FNTB: variants seen among roughly 807,000 people sequenced by gnomAD.
FNTB encodes farnesyltransferase, CAAX box, subunit beta, also known as protein farnesyltransferase subunit beta.
Under a neutral mutation model 59.4 loss-of-function variants are expected in FNTB, and 27 were observed. The observed-to-expected ratio is 0.45, with a 90% CI of 0.34 to 0.63. FNTB has a LOEUF of 0.63. Ranked by LOEUF, FNTB falls within the 20% of genes least tolerant of loss-of-function variation. The probability of loss-of-function intolerance (pLI) is 0.02; values close to 1 mark genes in which losing one functional copy is unlikely to be tolerated. For missense variants in FNTB, 449 were observed against 559.6 expected (o/e 0.80, Z 1.99); for synonymous variants, 230 against 220.7 (o/e 1.04, Z -0.37).
chr14:65,037,165 G>A (rs2062211507), intron 7 of FNTB, among the ~76,000 whole-genome samples: 2 of 150,552 alleles, frequency 1.3e-5, no homozygotes, highest in Non-Finnish European at 3.0e-5. Flanking sequence ...GTGCAATGGC[G>A]TGATCTCGGC....
chr14:65,061,099 G>A, intron 11 of FNTB, 82 bp from the exon 12 acceptor site: 1 of 1,561,022 alleles, frequency 6.4e-7, no homozygotes, highest in Non-Finnish European at 8.7e-7. Context: ...ATTCTTAGAA[G>A]TGCCTTTCAT....
Position 65,046,548 on chromosome 14 carries a change from G to A in FNTB, c.955+2105G>A, listed in dbSNP as rs147634511. Among the ~76,000 whole-genome samples, 993 of 152,268 alleles carry A rather than the reference G, an allele frequency of 6.5e-3. 47 individuals carry two copies. The highest frequency in any genetic ancestry group is 0.061 in the Admixed American group (928 of 15,280). ...CATTCAAAGCTTTGTCTATGGAAAA[G>A]GGTGCCTATGAATCTTGGTGCTTCC... On this transcript the variant is annotated intron_variant, in intron 9 of 11. Coordinates refer to ENST00000246166, the MANE Select transcript of FNTB (RefSeq NM_002028.4).
At chr14:65,059,272 A>C (rs2062809406) in intron 11 of FNTB, among the ~76,000 whole-genome samples, 1 of 151,604 alleles carries the variant, frequency 6.6e-6, no homozygotes, top group African/African-American at 2.4e-5. Flanking sequence ...ATCCTACCTC[A>C]GCCACCCAAA....
chr14:65,005,712 C>T (rs1413136106), intron 2 of FNTB, among the ~76,000 whole-genome samples: 3 of 152,008 alleles, frequency 2.0e-5, no homozygotes, highest in Non-Finnish European at 4.4e-5. Flanking sequence ...TGATCATAGC[C>T]CACAGCAGCC....
intron 4 of FNTB, among the ~76,000 whole-genome samples, chr14:65,018,155 G>A (rs983340910): frequency 6.6e-6 from 1 of 151,604 alleles, no homozygotes; most frequent in Non-Finnish European, 1.5e-5. Flanking sequence ...CAGTCTGGGC[G>A]ACATAGTGAG....
rs144250681 is a variant in FNTB at position 65,054,580 on chromosome 14, G to C, written c.1073G>C (p.Arg358Pro). 2 of 1,612,846 alleles carry C rather than the reference G, an allele frequency of 1.2e-6. No individual in the cohort carries two copies. ...GGLLDKPGKS[R>P]DFYHTCYCLS... Reference sequence around the variant, plus strand: ...AGAGCTGCCTGTCCTTACAGGTCGCGTGATTTCTACCACACCTGCTACTGC... The same window carrying C: ...AGAGCTGCCTGTCCTTACAGGTCGCCTGATTTCTACCACACCTGCTACTGC... Residue 358 changes from arginine to proline, a missense_variant, in exon 11 of 12, where the codon CGT (arginine) becomes CCT (proline). By Grantham distance (103) the Arg-to-Pro change is moderately radical. Coordinates refer to ENST00000246166, the MANE Select transcript of FNTB (RefSeq NM_002028.4). This position sits in a 1 kb window ranked among gnomAD's most constrained non-coding sequence, Gnocchi z 4.4.
chr14:65,011,824 T>C lies in FNTB; in HGVS notation c.210-493T>C, dbSNP rs555889502. Among the ~76,000 whole-genome samples, 1 of 152,280 alleles carries C rather than the reference T, an allele frequency of 6.6e-6. No individual in the cohort carries two copies. The highest frequency in any genetic ancestry group is 1.9e-4 in the East Asian group (1 of 5,186). Reference sequence around the variant, plus strand: ...TGGAATTTCAGGGAGAGAATAATAGTTGGATAACCGAGAGGCAGGCAGGGA... The same window carrying C: ...TGGAATTTCAGGGAGAGAATAATAGCTGGATAACCGAGAGGCAGGCAGGGA... On this transcript the variant is annotated intron_variant, in intron 2 of 11. Transcript: ENST00000246166. The surrounding 1 kb of genome is among the most constrained non-coding windows in gnomAD (Gnocchi z 4.0).
rs1266063486 is a variant in FNTB, at chr14:64,987,040, G to A, written c.87G>A (p.Glu29=). 2 of 1,614,236 alleles carry A rather than the reference G, an allele frequency of 1.2e-6. No individual in the cohort carries two copies. The highest frequency in any genetic ancestry group is 2.7e-5 in the African/African-American group (2 of 75,058). ...WSEPLYSLRP[E]HARERLQDDS... ...AGCCGCTGTACAGTCTGAGGCCCGA[G>A]CACGCGCGAGAGCGGTTGCAGGACG... Residue 29 remains glutamate, a synonymous_variant, in exon 1 of 12, where the codon GAG becomes GAA. Coordinates refer to ENST00000246166, the MANE Select transcript of FNTB (RefSeq NM_002028.4).
intron 8 of FNTB, among the ~76,000 whole-genome samples, chr14:65,043,906 C>T (rs369080954): frequency 4.0e-5 from 6 of 150,968 alleles, no homozygotes; most frequent in African/African-American, 9.8e-5. Flanking sequence ...ATAAACTCCC[C>T]GGAGCAGGGA....
In FNTB at chr14:65,032,594, G is replaced by A. The variant is rs200759729; in HGVS notation, c.606-16G>A. On this transcript the variant is annotated splice_polypyrimidine_tract_variant and intron_variant, in intron 6 of 11. Transcript: ENST00000246166. The surrounding 1 kb of genome is among the most constrained non-coding windows in gnomAD (Gnocchi z 5.0). Reference sequence around the variant, plus strand: ...TTCCGTAGAGCTTAATGTGTTTCCCGTTTCTGTCTTTCCAGAAGCGCATAC... The same window carrying A: ...TTCCGTAGAGCTTAATGTGTTTCCCATTTCTGTCTTTCCAGAAGCGCATAC... 6.4e-4 allele frequency: 1,039 copies of A among 1,612,468 alleles called. No homozygotes were observed. The highest frequency in any genetic ancestry group is 7.8e-4 in the Non-Finnish European group (925 of 1,179,698).
intron 1 of FNTB, among the ~76,000 whole-genome samples, chr14:64,995,578 G>C (rs1454814706): frequency 6.6e-6 from 1 of 151,708 alleles, no homozygotes; most frequent in African/African-American, 2.4e-5. Flanking sequence ...GTGGAATATG[G>C]GGTACGTTCT....
At position 64,987,116 on chromosome 14, in the gene FNTB, G is replaced by A. The variant is rs760993482; in HGVS notation, c.144+19G>A. 1.9e-6 allele frequency: 3 copies of A among 1,613,870 alleles called. No homozygotes were observed. In the South Asian group the frequency reaches 3.3e-5, roughly 18 times the overall value. On this transcript the variant is annotated intron_variant, in intron 1 of 11. Coordinates refer to ENST00000246166, the MANE Select transcript of FNTB (RefSeq NM_002028.4). Reference sequence around the variant, plus strand: ...AGAACAGGTGAGGTGGCAGGACTGGGCGAGGCGCCCGCGCGATGTGTTCTG... The same window carrying A: ...AGAACAGGTGAGGTGGCAGGACTGGACGAGGCGCCCGCGCGATGTGTTCTG...
Position 65,014,690 on chromosome 14 carries a change from C to T in FNTB, c.283-935C>T, listed in dbSNP as rs1303000442. ...TTAGCCAGGCATAGTGGTGTGTGCC[C>T]GTAGTCCCAGCTACTTAGGAGGCTG... On this transcript the variant is annotated intron_variant, in intron 3 of 11. Coordinates refer to ENST00000246166, the MANE Select transcript of FNTB (RefSeq NM_002028.4). The surrounding 1 kb of genome is among the most constrained non-coding windows in gnomAD (Gnocchi z 5.1). 1.3e-5 allele frequency among the ~76,000 whole-genome samples: 2 copies of T among 152,026 alleles called. No individual in the cohort carries two copies. The highest frequency in any genetic ancestry group is 2.9e-5 in the Non-Finnish European group (2 of 68,000).
At chr14:65,060,827 C>A (rs1319033678) in intron 11 of FNTB, among the ~76,000 whole-genome samples, 1 of 134,184 alleles carries the variant, frequency 7.5e-6, no homozygotes, top group Non-Finnish European at 1.5e-5. Flanking sequence ...GAGCTAAGAT[C>A]GTGTCAATGC....
Position 65,027,604 on chromosome 14 carries a change from A to G in FNTB, c.521+5A>G. On this transcript the variant is annotated splice_donor_5th_base_variant and intron_variant, in intron 5 of 11. Coordinates refer to ENST00000246166, the MANE Select transcript of FNTB (RefSeq NM_002028.4). The surrounding 1 kb of genome is among the most constrained non-coding windows in gnomAD (Gnocchi z 5.7). ...GGCCTATGACATCATTAACAGGTAC[A>G]GTGAAAGCCAGCAGTGACAGAAACC... 1 of 1,614,188 alleles carries G rather than the reference A, an allele frequency of 6.2e-7. No homozygotes were observed. Among genetic ancestry groups the G allele is most frequent in the Non-Finnish European group, 8.5e-7 (1 of 1,180,010 alleles).
intron 2 of FNTB, 55 bp downstream of exon 2, chr14:65,004,368 C>G (rs771277535): frequency 3.8e-6 from 6 of 1,564,534 alleles, no homozygotes; most frequent in Non-Finnish European, 5.2e-6. Flanking sequence ...CATGCAGCAG[C>G]CTTTCTTCTT....
Position 65,061,291 on chromosome 14 carries a change from G to A in FNTB, c.1293G>A (p.Ser431=), listed in dbSNP as rs1181202855. The A allele has an allele frequency of 2.5e-6, 4 of 1,613,930 alleles. No homozygotes were observed. The South Asian group carries it at 3.3e-5, about 13-fold the overall frequency. The change falls in exon 12 of 12, where the codon TCG becomes TCA. Residue 431 remains serine, a synonymous_variant. Transcript: ENST00000246166. ...TTGAGGAGCTTAAGGATGAGACATC[G>A]GCAGAGCCTGCAACCGACTAGAGGA... The part of the protein sequence containing the change: ...PGFEELKDET[S]AEPATD
chr14:64,997,591 A>T lies in FNTB; in HGVS notation c.145-6658A>T, dbSNP rs935335342. Among the ~76,000 whole-genome samples the T allele has an allele frequency of 3.3e-5, 5 of 152,204 alleles. No individual in the cohort carries two copies. Among genetic ancestry groups the T allele is most frequent in the African/African-American group, 9.6e-5 (4 of 41,454 alleles). ...TGTGTCTGTGCAGCAAGCTGGAAGA[A>T]CCCGTTGGGCGGTTACAAAATGAGT... On this transcript the variant is annotated intron_variant, in intron 1 of 11. Coordinates refer to ENST00000246166, the MANE Select transcript of FNTB (RefSeq NM_002028.4). This position sits in a 1 kb window ranked among gnomAD's most constrained non-coding sequence, Gnocchi z 4.5.
At chr14:65,036,172 C>T (rs138852871) in intron 7 of FNTB, among the ~76,000 whole-genome samples, 3 of 152,018 alleles carry the variant, frequency 2.0e-5, no homozygotes, top group Non-Finnish European at 4.4e-5. Flanking sequence ...CAAGTTATTC[C>T]ACTGCTCTGT....
Sources: allele counts gnomAD v4.1 joint callset (sites outside exome capture counted in the v4.1 genomes callset), GRCh38; gene constraint gnomAD v4.1.1; non-coding constraint Gnocchi (gnomAD v3.1); transcripts MANE v1.5; gene names NCBI Gene and HGNC (gene_info 2026-07-23, HGNC 2026-07-21).